The following RIT1 variants were observed in gnomAD, a reference collection of about 807,000 sequenced individuals.
RIT1 encodes the protein Ras like without CAAX 1, also known as GTP-binding protein Rit1.
A neutral mutation model predicts 25.6 loss-of-function variants in RIT1; 6 were observed. That is an observed-to-expected ratio of 0.23 (90% CI 0.13 to 0.46). The LOEUF (loss-of-function observed/expected upper bound fraction) is 0.46. Ranked by LOEUF, RIT1 falls within the 20% of genes least tolerant of loss-of-function variation. RIT1 has a pLI of 0.99. For missense variants in RIT1, 219 were observed against 284.4 expected, an observed-to-expected ratio of 0.77 and a Z score of 1.65; for synonymous variants, 81 against 94.1, an observed-to-expected ratio of 0.86 and a Z score of 0.80.
chr1:155,902,078 T>C (rs1209322098), intron 5 of RIT1, among the ~76,000 whole-genome samples: 1 of 152,184 alleles, frequency 6.6e-6, no homozygotes, highest in East Asian at 1.9e-4. Flanking sequence ...CTTTTTAATA[T>C]GTATTTATAA....
chr1:155,911,121 T>A, intron 1 of RIT1, 122 bp downstream of exon 1: 1 of 581,752 alleles, frequency 1.7e-6, no homozygotes, highest in Non-Finnish European at 3.0e-6. Context: ...ATGCGGCCCC[T>A]TAGGCCGCAG....
intron 3 of RIT1, among the ~76,000 whole-genome samples, chr1:155,906,759 T>A (rs2102586848): frequency 1.7e-5 from 1 of 59,380 alleles, no homozygotes; most frequent in African/African-American, 7.0e-5. Flanking sequence ...AAATTCTCCG[T>A]CTCAAAAAAA....
At chr1:155,902,593 G>C (rs1673334159) in intron 5 of RIT1, among the ~76,000 whole-genome samples, 1 of 151,820 alleles carries the variant, frequency 6.6e-6, no homozygotes, top group South Asian at 2.1e-4. Flanking sequence ...TATAATCCCA[G>C]CACTTTGGGA....
rs111792190 is a variant in RIT1 at position 155,899,376 on chromosome 1, G to C, written c.*1012C>G. 1 of 226,222 alleles carries C rather than the reference G, an allele frequency of 4.4e-6. No homozygotes were observed. The highest frequency in any genetic ancestry group is 8.8e-6 in the Non-Finnish European group (1 of 113,384). The allele number at this position is 226,222 out of a possible 1,614,324, so 14.0% of individuals were successfully genotyped here. A position where few individuals can be genotyped will look rare whatever the true frequency, so the allele number is the denominator to read the frequency against. On this transcript the variant is annotated 3_prime_UTR_variant, in exon 6 of 6. Coordinates refer to ENST00000368323, the MANE Select transcript of RIT1 (RefSeq NM_006912.6). ...GAGTCTAGTGATTGTCCACGTCAAG[G>C]AGGCACACACACAATTTTACCCACA...
intron 5 of RIT1, among the ~76,000 whole-genome samples, chr1:155,903,367 C>T (rs1396162567): frequency 2.0e-5 from 3 of 146,742 alleles, no homozygotes; most frequent in African/African-American, 7.6e-5. Flanking sequence ...GCAGGAGACT[C>T]ACTTGAACCC....
chr1:155,906,296 G>T (rs1158760991), intron 3 of RIT1, among the ~76,000 whole-genome samples: 1 of 151,954 alleles, frequency 6.6e-6, no homozygotes, highest in African/African-American at 2.4e-5. Flanking sequence ...ACATCTCAAT[G>T]TATTTCCTTT....
At chr1:155,904,275 T>C (rs372437511) in intron 5 of RIT1, 36 bp downstream of exon 5, 1 of 1,425,258 alleles carries the variant, frequency 7.0e-7, no homozygotes, top group African/African-American at 1.4e-5. Flanking sequence ...ACTAATTGTA[T>C]AAGATTATAG....
intron 5 of RIT1, among the ~76,000 whole-genome samples, chr1:155,900,900 C>T (rs1462629715): frequency 1.3e-5 from 2 of 152,140 alleles, no homozygotes; most frequent in South Asian, 4.1e-4. Context: ...CTCACAACCT[C>T]GGCCTCCCGG....
rs1673291752 is a variant in RIT1, at chr1:155,900,523, G to A, written c.525C>T (p.Phe175=). 1.2e-6 allele frequency: 2 copies of A among 1,614,086 alleles called. No homozygotes were observed. The highest frequency in any genetic ancestry group is 1.6e-4 in the Middle Eastern group (1 of 6,062). The change falls in exon 6 of 6, where the codon TTC becomes TTT. Residue 175 remains phenylalanine (F), a synonymous_variant. Transcript: ENST00000368323. The part of the protein sequence containing the change: ...AAYRYYIDDV[F]HALVREIRRK... The stretch of plus-strand genomic sequence containing the variant: ...TACGTATCTCCCGTACAAGGGCATG[G>A]AAAACATCATCAATATAGTAGCGGT...
intron 5 of RIT1, 126 bp from the exon 6 acceptor site, chr1:155,900,744 C>A: frequency 1.4e-6 from 1 of 704,470 alleles, no homozygotes; most frequent in South Asian, 1.9e-5. Flanking sequence ...GCATACAGCA[C>A]TAATTTTTGT....
intron 3 of RIT1, among the ~76,000 whole-genome samples, chr1:155,906,555 G>A (rs1673442419): frequency 1.3e-5 from 2 of 152,046 alleles, no homozygotes; most frequent in African/African-American, 4.8e-5. Context: ...GAGGTCAGGA[G>A]TTCAAGACCA....
intron 5 of RIT1, among the ~76,000 whole-genome samples, chr1:155,903,676 T>C (rs745478943): frequency 2.6e-5 from 4 of 152,102 alleles, no homozygotes; most frequent in Non-Finnish European, 4.4e-5. Flanking sequence ...TTTTTTCCAA[T>C]GGAGATTAAC....
intron 3 of RIT1, among the ~76,000 whole-genome samples, chr1:155,905,936 T>A (rs1237337782): frequency 1.3e-5 from 2 of 152,084 alleles, no homozygotes; most frequent in Non-Finnish European, 2.9e-5. Flanking sequence ...CAAGGGATTC[T>A]CCTGCCTCAG....
intron 5 of RIT1, among the ~76,000 whole-genome samples, chr1:155,902,641 A>G (rs1673335523): frequency 6.6e-6 from 1 of 151,872 alleles, no homozygotes; most frequent in African/African-American, 2.4e-5. Context: ...CAGGACTTCA[A>G]GACCAGCCCG....
rs563231684 is a variant in RIT1, at chr1:155,900,414, G to A, written c.634C>T (p.Arg212Trp). The change falls in exon 6 of 6, where the codon CGG becomes TGG. Residue 212 changes from arginine (R) to tryptophan (W), a missense_variant. By Grantham distance (101) the Arg-to-Trp change is moderately radical. This residue lies in a region of RIT1 where 81 missense variants were observed against 83.8 expected (regional missense o/e 0.97). Transcript: ENST00000368323. ...SVWKRLKSPF[R>W]KKKDSVT is the part of the protein sequence containing the mutation. Reference sequence around the variant, plus strand: ...CAAGTTACTGAATCTTTCTTCTTCCGGAATGGTGATTTTAGCCTCTTCCAT... The same window carrying A: ...CAAGTTACTGAATCTTTCTTCTTCCAGAATGGTGATTTTAGCCTCTTCCAT... 172 of 1,613,758 alleles carry A rather than the reference G, an allele frequency of 1.1e-4. No individual in the cohort carries two copies. Among genetic ancestry groups the A allele is most frequent in the Middle Eastern group, 5.0e-4 (3 of 6,058 alleles).
rs757129389 is a variant in RIT1, at chr1:155,904,388, T to C, written c.352A>G (p.Ile118Val). Residue 118 changes from isoleucine to valine, a missense_variant, in exon 5 of 6, where the codon ATT becomes GTT. Ile to Val is a conservative substitution (Grantham distance 29, BLOSUM62 3). Around this residue, in one of 3 missense-constraint regions of RIT1, gnomAD observed 131 missense variants for 173.6 expected, o/e 0.75. Transcript: ENST00000368323. ...FHEVREFKQLIYRVRRTDDTP... is the reference protein window; with the variant it reads ...FHEVREFKQLVYRVRRTDDTP... ...TCGTCAGTACGTCGGACTCGATAAA[T>C]AAGCTGTTTAAACTCACGAACTTCA... is the stretch of plus-strand genomic sequence containing the variant. 1.2e-6 allele frequency: 2 copies of C among 1,614,104 alleles called. No homozygotes were observed. The highest frequency in any genetic ancestry group is 1.7e-6 in the Non-Finnish European group (2 of 1,179,958).
At chr1:155,901,633 CAG>C (rs984599806) in intron 5 of RIT1, among the ~76,000 whole-genome samples, 2 of 151,820 alleles carry the variant, frequency 1.3e-5, no homozygotes, top group African/African-American at 4.8e-5. Context: ...GCCTGGGTGA[CAG>C]AGCCAGACTC....
intron 3 of RIT1, among the ~76,000 whole-genome samples, chr1:155,905,987 C>T (rs994003133): frequency 4.5e-4 from 69 of 152,080 alleles, no homozygotes; most frequent in Admixed American, 2.0e-3. Context: ...GCCACTATTG[C>T]CCGGCTAATT....
In RIT1 at chr1:155,900,072, T is replaced by C; in HGVS notation, c.*316A>G. The C allele has an allele frequency of 3.1e-6, 1 of 317,796 alleles. No homozygotes were observed. The highest frequency in any genetic ancestry group is 5.9e-6 in the Non-Finnish European group (1 of 170,920). The allele number at this position is 317,796 out of a possible 1,614,324, so 19.7% of individuals were successfully genotyped here. A position where few individuals can be genotyped will look rare whatever the true frequency, so the allele number is the denominator to read the frequency against. On this transcript the variant is annotated 3_prime_UTR_variant, in exon 6 of 6. Transcript: ENST00000368323. ...AGAGCCAAAAACTTCCCTTGTGAAC[T>C]TAGTCAAACACACATGGTATACATA...
Sources: gnomAD v4.1 joint callset for allele counts (sites outside exome capture counted in the v4.1 genomes callset) on GRCh38, gnomAD v4.1.1 for gene constraint, gnomAD v4.1.1 regional missense constraint, MANE v1.5 for transcripts, NCBI Gene and HGNC (gene_info 2026-07-23, HGNC 2026-07-21) for gene names.